The following CCDC142 variants were observed in gnomAD, a reference collection of about 807,000 sequenced individuals.
The protein encoded by CCDC142 is coiled-coil domain containing 142, also known as coiled-coil domain-containing protein 142.
CCDC142 carries 67 observed loss-of-function variants against 83.8 expected under a neutral mutation model. That is an observed-to-expected ratio of 0.80 (90% confidence interval 0.66 to 0.98). The LOEUF (loss-of-function observed/expected upper bound fraction) is 0.98, where lower values mean the gene tolerates loss of function less well. Among genes scored for constraint, CCDC142 ranks in the 50% least tolerant of loss-of-function variants. The probability of loss-of-function intolerance (pLI) is 0.00; values close to 1 mark genes in which losing one functional copy is unlikely to be tolerated. For synonymous variants in CCDC142, 421 were observed against 421.2 expected, an observed-to-expected ratio of 1.00 and a Z score of 0.01; for missense variants, 905 against 946.8, an observed-to-expected ratio of 0.96 and a Z score of 0.58.
rs933604358 is a variant in CCDC142, at chr2:74,473,560, G to A, written c.*986C>T. Among the ~76,000 whole-genome samples the A allele has an allele frequency of 2.0e-5, 3 of 152,012 alleles. No homozygotes were observed. Among genetic ancestry groups the A allele is most frequent in the Admixed American group, 1.3e-4 (2 of 15,266 alleles). Reference sequence around the variant, plus strand: ...TGGTCTTGATCGGACCTCGTGATCCGCCCCTCTAGGCCTCCCAAAGTGCTG... The same window carrying A: ...TGGTCTTGATCGGACCTCGTGATCCACCCCTCTAGGCCTCCCAAAGTGCTG... On this transcript the variant is annotated 3_prime_UTR_variant, in exon 9 of 9. Transcript: ENST00000393965.
rs778843760 is a variant in CCDC142 at position 74,475,360 on chromosome 2, C to T, written c.1661G>A (p.Arg554His). 19 of 1,605,912 alleles carry T rather than the reference C, an allele frequency of 1.2e-5. No homozygotes were observed. The Admixed American group carries it at 1.2e-4, about 10-fold the overall frequency. The part of the protein sequence containing the change: ...APSEYAGLVV[R>H]TVLEPVLQGL... ...TTGCAACACAGGCTCCAGTACGGTG[C>T]GGACCACTAAACCAGCATACTCACT... The change falls in exon 7 of 9, where the codon CGC becomes CAC. Residue 554 changes from arginine (R) to histidine (H), a missense_variant. Arg to His is a conservative substitution (Grantham distance 29). Around this residue, in one of 3 missense-constraint regions of CCDC142, gnomAD observed 265 missense variants for 288.9 expected, o/e 0.92. Transcript: ENST00000393965.
chr2:74,481,325 G>C lies in CCDC142; in HGVS notation c.1156C>G (p.Pro386Ala). The stretch of plus-strand genomic sequence containing the variant: ...AGTTCAGCAGTGCCAGAGGATGTGG[G>C]AAGGCTGCTCTGACCCCCAAGAGCT... The part of the protein sequence containing the change: ...GSALGGQSSL[P>A]TSSGTAELLQ... Residue 386 changes from proline (P) to alanine (A), a missense_variant, in exon 3 of 9, where the codon CCC (proline) becomes GCC (alanine). Physicochemically the swap from Pro to Ala is conservative, Grantham distance 27. Transcript: ENST00000393965. 6.2e-7 allele frequency: 1 copy of C among 1,614,128 alleles called. No homozygotes were observed.
At position 74,475,645 on chromosome 2, in the gene CCDC142, G is replaced by A. The variant is rs1404432082; in HGVS notation, c.1585C>T (p.Arg529Trp). Reference protein sequence around the residue: ...AMQGFKLYMPRGRYWRLRLCP... With the variant: ...AMQGFKLYMPWGRYWRLRLCP... ...AGACGAAGCCGCCAGTACCGACCCCGTGGCATGTAGAGCTTGAAACCTTGC... is the reference window on the plus strand; with the variant it reads ...AGACGAAGCCGCCAGTACCGACCCCATGGCATGTAGAGCTTGAAACCTTGC... The change falls in exon 6 of 9, where the codon CGG becomes TGG. Residue 529 changes from arginine to tryptophan, a missense_variant. Arg to Trp is a moderately radical substitution (Grantham distance 101). This residue lies in a region of CCDC142 where 265 missense variants were observed against 288.9 expected (regional missense o/e 0.92). Transcript: ENST00000393965. 5 of 1,614,072 alleles carry A rather than the reference G, an allele frequency of 3.1e-6. No homozygotes were observed. The highest frequency in any genetic ancestry group is 1.3e-5 in the African/African-American group (1 of 75,026).
rs960929176 is a variant in CCDC142, at chr2:74,473,494, G to C, written c.*1052C>G. Among the ~76,000 whole-genome samples, 5 of 152,100 alleles carry C rather than the reference G, an allele frequency of 3.3e-5. No homozygotes were observed. The South Asian group carries it at 8.3e-4, about 25-fold the overall frequency. ...TGCCACCACGCCCGGCTAATTTTTT[G>C]TATTTTTAGTAGAGGCGGGGTTTCA... On this transcript the variant is annotated 3_prime_UTR_variant, in exon 9 of 9. Coordinates refer to ENST00000393965, the MANE Select transcript of CCDC142 (RefSeq NM_001365575.2).
Position 74,482,760 on chromosome 2 carries a change from A to T in CCDC142, c.78T>A (p.Thr26=). The change falls in exon 1 of 9, where the codon ACT becomes ACA. Residue 26 remains threonine (T), a synonymous_variant. Transcript: ENST00000393965. This position sits in a 1 kb window ranked among gnomAD's most constrained non-coding sequence, Gnocchi z 5.0. ...VPPLRAQPGG[T]GEEQWERSRT... is the part of the protein sequence containing the mutation. ...GACTTCTCTCCCACTGCTCCTCCCC[A>T]GTGCCCCCGGGTTGCGCCCTCAGCG... The T allele has an allele frequency of 6.2e-7, 1 of 1,601,392 alleles. No homozygotes were observed. The highest frequency in any genetic ancestry group is 1.1e-5 in the South Asian group (1 of 91,084).
rs1672521292 is a variant in CCDC142, at chr2:74,482,221, A to T, written c.617T>A (p.Leu206His). Residue 206 changes from leucine (L) to histidine (H), a missense_variant, in exon 1 of 9, where the codon CTC becomes CAC. Transcript: ENST00000393965. This position sits in a 1 kb window ranked among gnomAD's most constrained non-coding sequence, Gnocchi z 5.0. ...TGTGTGGTAGGCGGGAAGTGCAAAGAGCAGCTCGGCGAGTTGGGACGACAG... is the reference window on the plus strand; with the variant it reads ...TGTGTGGTAGGCGGGAAGTGCAAAGTGCAGCTCGGCGAGTTGGGACGACAG... Reference protein sequence around the residue: ...PGLSSQLAELLFALPAYHTLQ... With the variant: ...PGLSSQLAELHFALPAYHTLQ... 6.2e-7 allele frequency: 1 copy of T among 1,613,368 alleles called. No individual in the cohort carries two copies. Among genetic ancestry groups the T allele is most frequent in the African/African-American group, 1.3e-5 (1 of 74,944 alleles).
At chr2:74,475,497 G>A in intron 6 of CCDC142, 95 bp from the exon 7 acceptor site, 3 of 1,468,624 alleles carry the variant, frequency 2.0e-6, no homozygotes, top group East Asian at 2.3e-5. Flanking sequence ...AGGAGGGAAG[G>A]GTACAGAAGC....
intron 1 of CCDC142, 31 bp from the exon 2 acceptor site, chr2:74,481,569 AAC>A (rs768109939): frequency 2.5e-6 from 4 of 1,602,986 alleles, no homozygotes; most frequent in Non-Finnish European, 3.4e-6. Context: ...GGGGCCTGAA[AAC>A]AAGGTCTCAC....
chr2:74,481,758 G>A, intron 1 of CCDC142, 59 bp downstream of exon 1: 1 of 1,554,716 alleles, frequency 6.4e-7, no homozygotes, highest in Admixed American at 1.8e-5. Context: ...CAGTGAGTTG[G>A]CCAAGGGGAA....
At chr2:74,480,505 C>T (rs765520062) in intron 5 of CCDC142, among the ~76,000 whole-genome samples, 4 of 150,286 alleles carry the variant, frequency 2.7e-5, no homozygotes, top group East Asian at 2.0e-4. Flanking sequence ...GTGGGAGGAC[C>T]GTTTAAGCCC....
chr2:74,476,359 G>T (rs1045972542), intron 5 of CCDC142, among the ~76,000 whole-genome samples: 2 of 152,226 alleles, frequency 1.3e-5, no homozygotes, highest in South Asian at 4.2e-4. Flanking sequence ...TTTTAGTAAA[G>T]ACAAGGTTTT....
rs775164819 is a variant in CCDC142, at chr2:74,482,537, C to G, written c.301G>C (p.Glu101Gln). 1.3e-6 allele frequency: 2 copies of G among 1,590,088 alleles called. No homozygotes were observed. Among genetic ancestry groups the G allele is most frequent in the Non-Finnish European group, 1.7e-6 (2 of 1,167,926 alleles). ...CGGGCCTGGAGGAGCTGCTCCCGCTCGCGATGCAGCCGCAGCAACACCGCC... is the reference window on the plus strand; with the variant it reads ...CGGGCCTGGAGGAGCTGCTCCCGCTGGCGATGCAGCCGCAGCAACACCGCC... ...LRAVLLRLHR[E>Q]REQLLQARDC... Residue 101 changes from glutamate (E) to glutamine (Q), a missense_variant, in exon 1 of 9, where the codon GAG becomes CAG. Transcript: ENST00000393965. This position sits in a 1 kb window ranked among gnomAD's most constrained non-coding sequence, Gnocchi z 5.0.
At chr2:74,479,964 C>T (rs954059051) in intron 5 of CCDC142, among the ~76,000 whole-genome samples, 7 of 152,180 alleles carry the variant, frequency 4.6e-5, no homozygotes, top group African/African-American at 1.4e-4. Context: ...ATCATTTATC[C>T]TGAATTTTCT....
intron 5 of CCDC142, 130 bp downstream of exon 5, chr2:74,480,638 CA>C: frequency 8.9e-6 from 5 of 559,162 alleles, no homozygotes; most frequent in Admixed American, 3.2e-5. Flanking sequence ...ATGAACAGAG[CA>C]AAAAAAGATA....
At chr2:74,476,864 G>C (rs1057464346) in intron 5 of CCDC142, among the ~76,000 whole-genome samples, 2 of 152,246 alleles carry the variant, frequency 1.3e-5, no homozygotes, top group African/African-American at 2.4e-5. Flanking sequence ...GGGGCGGCCA[G>C]ACATGGAGTG....
chr2:74,477,416 A>AC (rs1672347917), intron 5 of CCDC142, among the ~76,000 whole-genome samples: 1 of 151,742 alleles, frequency 6.6e-6, no homozygotes, highest in South Asian at 2.1e-4. Flanking sequence ...TTAAAATGTC[A>AC]CCCCCTCACT....
chr2:74,481,417 G>T (rs1376035494), intron 2 of CCDC142, 35 bp downstream of exon 2: 3 of 1,613,926 alleles, frequency 1.9e-6, no homozygotes, highest in Non-Finnish European at 2.5e-6. Context: ...GGTAACCTGG[G>T]ACTTATGTCA....
At position 74,481,849 on chromosome 2, in the gene CCDC142, G is replaced by C; in HGVS notation, c.989C>G (p.Thr330Arg). 6.2e-7 allele frequency: 1 copy of C among 1,613,866 alleles called. No individual in the cohort carries two copies. The highest frequency in any genetic ancestry group is 8.5e-7 in the Non-Finnish European group (1 of 1,179,840). ...CAGTGCCTGACTCAGCTGTTGCGCT[G>C]TTGCCCTGGGGTCCCTCCAGGGTCC... ...NLGPWRDPRA[T>R]AQQLSQALGQ... The change falls in exon 1 of 9, where the codon ACA becomes AGA. Residue 330 changes from threonine to arginine, a missense_variant. Physicochemically the swap from Thr to Arg is moderately conservative, Grantham distance 71. Around this residue, in one of 3 missense-constraint regions of CCDC142, gnomAD observed 591 missense variants for 571.4 expected, o/e 1.03. Transcript: ENST00000393965.
chr2:74,481,753 A>G, intron 1 of CCDC142, 64 bp downstream of exon 1: 1 of 1,543,306 alleles, frequency 6.5e-7, no homozygotes, highest in Non-Finnish European at 8.8e-7. Context: ...CAGGTCAGTG[A>G]GTTGGCCAAG....
Sources: allele counts gnomAD v4.1 joint callset (sites outside exome capture counted in the v4.1 genomes callset), GRCh38; gene constraint gnomAD v4.1.1; regional missense constraint gnomAD v4.1.1; non-coding constraint Gnocchi (gnomAD v3.1); transcripts MANE v1.5; gene names NCBI Gene and HGNC (gene_info 2026-07-23, HGNC 2026-07-21).